The following DNAH12 variants were observed in gnomAD, a reference collection of about 807,000 sequenced individuals.
The protein encoded by DNAH12 is dynein axonemal heavy chain 12.
In DNAH12, 285 loss-of-function variants were observed where a neutral mutation model predicts 371.5. The observed-to-expected ratio is 0.77, with a 90% confidence interval of 0.70 to 0.85. DNAH12 has a LOEUF of 0.85. DNAH12 is among the 40% of genes least tolerant of loss of function. The pLI is 0.00. For synonymous variants in DNAH12, 1,200 were observed against 1,213.0 expected (o/e 0.99, Z 0.22); for missense variants, 3,611 against 3,689.4 (o/e 0.98, Z 0.55).
chr3:57,305,242 CCTT>C (rs1274806543), intron 69 of DNAH12, among the ~76,000 whole-genome samples: 1 of 152,088 alleles, frequency 6.6e-6, no homozygotes, highest in Admixed American at 6.5e-5. Context: ...CCCAAACCCT[CCTT>C]CTTTCCCTCT....
chr3:57,445,199 T>C lies in DNAH12; in HGVS notation c.4400A>G (p.Tyr1467Cys). Reference protein sequence around the residue: ...LVAAGNLKLKYPNENEDILLL... With the variant: ...LVAAGNLKLKCPNENEDILLL... ...AAGTATATCTTCATTTTCATTTGGGTATTTTAGTTTTAGATTGCCAGCAGC... is the reference window on the plus strand; with the variant it reads ...AAGTATATCTTCATTTTCATTTGGGCATTTTAGTTTTAGATTGCCAGCAGC... Residue 1467 changes from tyrosine to cysteine, a missense_variant, in exon 28 of 74, where the codon TAC becomes TGC. By Grantham distance (194) the Tyr-to-Cys change is radical. Coordinates refer to ENST00000495027, the MANE Select transcript of DNAH12 (RefSeq NM_001366028.2). 2 of 1,546,364 alleles carry C rather than the reference T, an allele frequency of 1.3e-6. No individual in the cohort carries two copies. The highest frequency in any genetic ancestry group is 1.7e-6 in the Non-Finnish European group (2 of 1,144,066).
At chr3:57,498,950 G>A (rs1559723301) in intron 11 of DNAH12, among the ~76,000 whole-genome samples, 1 of 152,044 alleles carries the variant, frequency 6.6e-6, no homozygotes, top group Non-Finnish European at 1.5e-5. Flanking sequence ...AGTGAGCCGA[G>A]ATTGCACCAC....
At chr3:57,412,790 A>T (rs782479147) in intron 39 of DNAH12, among the ~76,000 whole-genome samples, 2 of 152,170 alleles carry the variant, frequency 1.3e-5, no homozygotes, top group Non-Finnish European at 2.9e-5. Flanking sequence ...ACAATACCAA[A>T]TGCCAGAGAA....
rs1231722472 is a variant in DNAH12 at position 57,472,647 on chromosome 3, A to G, written c.1675T>C (p.Phe559Leu). The change falls in exon 14 of 74, where the codon TTT becomes CTT. Residue 559 changes from phenylalanine (F) to leucine (L), a missense_variant. Around this residue, in one of 3 missense-constraint regions of DNAH12, gnomAD observed 1,314 missense variants for 1,398.7 expected, o/e 0.94. Transcript: ENST00000495027. ...TGAGGAAATAGGAAAACATCTAAAA[A>G]GTAACTCATTTGGCGTTTAGATTCC... ...IQESKRQMSY[F>L]LDVFLFPQED... is the part of the protein sequence containing the mutation. 4.5e-6 allele frequency: 7 copies of G among 1,550,836 alleles called. No homozygotes were observed. The highest frequency in any genetic ancestry group is 6.1e-6 in the Non-Finnish European group (7 of 1,146,708).
intron 4 of DNAH12, 86 bp downstream of exon 4, chr3:57,523,497 G>C (rs1387713587): frequency 1.9e-5 from 21 of 1,091,628 alleles, no homozygotes; most frequent in Non-Finnish European, 2.4e-5. Context: ...TCTAGAATGG[G>C]ACTTAGCAGG....
At chr3:57,438,409 A>C (rs897900254) in intron 29 of DNAH12, among the ~76,000 whole-genome samples, 3 of 152,200 alleles carry the variant, frequency 2.0e-5, no homozygotes, top group African/African-American at 7.2e-5. Flanking sequence ...TACAATCAAA[A>C]CTTAAGGTTG....
rs1056003396 is a variant in DNAH12, at chr3:57,428,243, A to G, written c.5253+390T>C. The G allele has an allele frequency of 1.1e-5, 7 of 665,006 alleles. 1 individual carries two copies. The Admixed American group carries it at 1.9e-4, about 18-fold the overall frequency. The allele number at this position is 665,006 out of a possible 1,614,324, so 41.2% of individuals were successfully genotyped here. ...ACCGTGGCTGTAGCTTTAGCCATCA[A>G]GTTTGTGGCAATTTGTTATGACAGC... is the stretch of plus-strand genomic sequence containing the variant. On this transcript the variant is annotated intron_variant, in intron 34 of 73. Transcript: ENST00000495027.
intron 45 of DNAH12, among the ~76,000 whole-genome samples, chr3:57,390,094 A>G (rs1033955664): frequency 2.7e-5 from 4 of 148,914 alleles, no homozygotes; most frequent in East Asian, 2.2e-4. Context: ...TCAGCCTCCC[A>G]AAGTGCTGGG....
Position 57,453,255 on chromosome 3 carries a change from A to G in DNAH12, c.3605T>C (p.Ile1202Thr). 6.6e-7 allele frequency: 1 copy of G among 1,524,904 alleles called. No homozygotes were observed. The highest frequency in any genetic ancestry group is 8.8e-7 in the Non-Finnish European group (1 of 1,140,494). The allele number at this position is 1,524,904 out of a possible 1,614,324, so 94.5% of individuals were successfully genotyped here. The part of the protein sequence containing the change: ...VHARDVVMDM[I>T]KMGVSHDTDF... The stretch of plus-strand genomic sequence containing the variant: ...AAGAAAAAGTCACATACCCATTTTA[A>G]TCATGTCCATGACCACATCTCTAGC... Residue 1202 changes from isoleucine to threonine, a missense_variant, in exon 24 of 74, where the codon ATT becomes ACT. Ile to Thr is a moderately conservative substitution (Grantham distance 89). Around this residue, in one of 3 missense-constraint regions of DNAH12, gnomAD observed 31 missense variants for 53.8 expected, o/e 0.58. Transcript: ENST00000495027.
At chr3:57,444,841 G>GTTAA (rs1174826443) in intron 28 of DNAH12, 25 bp from the exon 29 acceptor site, 1 of 1,530,532 alleles carries the variant, frequency 6.5e-7, no homozygotes, top group Admixed American at 2.1e-5. Flanking sequence ...AAAGTACAAT[G>GTTAA]TTAAGTTAGT....
chr3:57,347,670 G>C (rs1198062526), intron 60 of DNAH12, among the ~76,000 whole-genome samples: 1 of 148,640 alleles, frequency 6.7e-6, no homozygotes, highest in African/African-American at 2.5e-5. Context: ...GAGCCAAGAC[G>C]AGATAGAGCC....
intron 12 of DNAH12, 136 bp downstream of exon 12, chr3:57,489,373 C>T: frequency 2.4e-6 from 2 of 841,080 alleles, no homozygotes; most frequent in East Asian, 3.3e-5. Flanking sequence ...ACAAAGGCAC[C>T]TCTATAGGAG....
chr3:57,457,825 G>A lies in DNAH12; in HGVS notation c.3232C>T (p.Leu1078Phe). 1 of 1,551,588 alleles carries A rather than the reference G, an allele frequency of 6.4e-7. No homozygotes were observed. The highest frequency in any genetic ancestry group is 8.7e-7 in the Non-Finnish European group (1 of 1,146,986). The change falls in exon 22 of 74, where the codon CTC (leucine) becomes TTC (phenylalanine). Residue 1078 changes from leucine (L) to phenylalanine (F), a missense_variant. Coordinates refer to ENST00000495027, the MANE Select transcript of DNAH12 (RefSeq NM_001366028.2). ...CCCCGCGCTGCAGACGTGGAAATGA[G>A]TGCAATCAGCTCCACTCGCTCGCCC... ...SEGERVELIA[L>F]ISTSAARGAV...
intron 2 of DNAH12, chr3:57,536,128 C>G (rs1237339466): frequency 2.0e-5 from 3 of 152,226 alleles, no homozygotes; most frequent in Non-Finnish European, 4.4e-5. Context: ...AGCCACCACG[C>G]CTGGCCTAAA....
rs375718490 is a variant in DNAH12 at position 57,338,594 on chromosome 3, C to A, written c.9675-3654G>T. Among the ~76,000 whole-genome samples, 424 of 150,344 alleles carry A rather than the reference C, an allele frequency of 2.8e-3. 1 individual carries two copies. Among genetic ancestry groups the A allele is most frequent in the African/African-American group, 9.9e-3 (405 of 40,742 alleles). On this transcript the variant is annotated intron_variant, in intron 60 of 73. Transcript: ENST00000495027. ...GAGGAGCGCCTCTGCCCGGCCACCACCCCGTCTGGGATGTGAAGAGCATCT... is the reference window on the plus strand; with the variant it reads ...GAGGAGCGCCTCTGCCCGGCCACCAACCCGTCTGGGATGTGAAGAGCATCT...
chr3:57,326,471 T>C (rs1305259805), intron 62 of DNAH12, among the ~76,000 whole-genome samples: 5 of 151,956 alleles, frequency 3.3e-5, no homozygotes, highest in Non-Finnish European at 5.9e-5. Flanking sequence ...GCTTCAGAAG[T>C]GAAGGAGAAA....
At chr3:57,530,410 A>G in intron 2 of DNAH12, 1 of 607,884 alleles carries the variant, frequency 1.6e-6, no homozygotes, top group Non-Finnish European at 3.0e-6. Flanking sequence ...TCTAGCACAT[A>G]GCCATCTGCT....
At chr3:57,322,563 A>C in intron 64 of DNAH12, 80 bp from the exon 65 acceptor site, 1 of 1,415,092 alleles carries the variant, frequency 7.1e-7, no homozygotes, top group Non-Finnish European at 9.4e-7. Context: ...GGATTAAAAA[A>C]CAGGCATAAT....
chr3:57,492,908 G>A (rs900465886), intron 11 of DNAH12, among the ~76,000 whole-genome samples: 1 of 152,154 alleles, frequency 6.6e-6, no homozygotes. Flanking sequence ...AGGAGGCTGA[G>A]GCAGGAGAAT....
Sources: gnomAD v4.1 joint callset for allele counts (sites outside exome capture counted in the v4.1 genomes callset) on GRCh38, gnomAD v4.1.1 for gene constraint, gnomAD v4.1.1 regional missense constraint, MANE v1.5 for transcripts, NCBI Gene and HGNC (gene_info 2026-07-23, HGNC 2026-07-21) for gene names.